The following LPP variants were observed in gnomAD, a reference collection of about 807,000 sequenced individuals.
The protein encoded by LPP is LIM domain containing preferred translocation partner in lipoma.
Under a neutral mutation model 60.4 loss-of-function variants are expected in LPP, and 38 were observed. That is an observed-to-expected ratio of 0.63 (90% CI 0.49 to 0.83). LPP has a LOEUF of 0.83. LPP is among the 40% of genes least tolerant of loss of function. LPP has a pLI of 0.00. For missense variants in LPP, 902 were observed against 783.6 expected (o/e 1.15, Z -1.80); for synonymous variants, 328 against 290.8 (o/e 1.13, Z -1.30).
intron 2 of LPP, among the ~76,000 whole-genome samples, chr3:188,245,816 A>G (rs1254338062): frequency 6.6e-6 from 1 of 152,162 alleles, no homozygotes; most frequent in Non-Finnish European, 1.5e-5. Context: ...TGCTAAGATT[A>G]TAGGTGTGAG....
intron 9 of LPP, among the ~76,000 whole-genome samples, chr3:188,774,268 C>T (rs1287886231): frequency 1.3e-5 from 2 of 152,006 alleles, no homozygotes; most frequent in Non-Finnish European, 2.9e-5. Context: ...TTGCCTATAC[C>T]CTTCCAACTG....
intron 3 of LPP, among the ~76,000 whole-genome samples, chr3:188,391,422 G>A (rs1306083824): frequency 2.6e-5 from 4 of 152,264 alleles, no homozygotes; most frequent in African/African-American, 4.8e-5. Context: ...GAACCTGTCT[G>A]TTGTTGATAA....
intron 2 of LPP, chr3:188,239,850 G>A (rs2149435705): frequency 4.6e-6 from 1 of 215,164 alleles, no homozygotes; most frequent in South Asian, 1.9e-4. Context: ...CACCAATACA[G>A]TCAAGAGGGC....
intron 1 of LPP, among the ~76,000 whole-genome samples, chr3:188,187,960 T>C (rs1377491704): frequency 6.6e-6 from 1 of 152,210 alleles, no homozygotes; most frequent in Non-Finnish European, 1.5e-5. Flanking sequence ...TTAATTCCTA[T>C]ATATTTAATA....
At chr3:188,161,559 T>A (rs1353974546) in intron 1 of LPP, among the ~76,000 whole-genome samples, 1 of 152,162 alleles carries the variant, frequency 6.6e-6, no homozygotes, top group Non-Finnish European at 1.5e-5. Context: ...AGCTGATCCC[T>A]TGTTATACAG....
intron 7 of LPP, among the ~76,000 whole-genome samples, chr3:188,706,690 T>C (rs759956967): frequency 2.6e-5 from 4 of 152,224 alleles, no homozygotes; most frequent in African/African-American, 9.6e-5. Context: ...GATTTTCACG[T>C]CCAAGAGCTC....
chr3:188,819,357 C>A (rs1299799662), intron 9 of LPP, among the ~76,000 whole-genome samples: 1 of 151,630 alleles, frequency 6.6e-6, no homozygotes, highest in African/African-American at 2.4e-5. Flanking sequence ...CCCATCTTTA[C>A]ATCCATGTGT....
chr3:188,503,409 T>A (rs1276633906), intron 5 of LPP, among the ~76,000 whole-genome samples: 1 of 152,100 alleles, frequency 6.6e-6, no homozygotes, highest in African/African-American at 2.4e-5. Flanking sequence ...ATTTGTAATT[T>A]AAAAAAATAT....
At chr3:188,453,069 G>T (rs540342220) in intron 4 of LPP, among the ~76,000 whole-genome samples, 1 of 152,166 alleles carries the variant, frequency 6.6e-6, no homozygotes, top group South Asian at 2.1e-4. Context: ...GGGTTCTTTG[G>T]TTTTATCTCT....
At chr3:188,366,894 G>T (rs9864554) in intron 3 of LPP, among the ~76,000 whole-genome samples, 52,259 of 151,406 alleles carry the variant, frequency 0.35, 10,498 homozygotes, top group Middle Eastern at 0.6. Context: ...GCATTATAAA[G>T]AATTGATTTT....
intron 9 of LPP, among the ~76,000 whole-genome samples, chr3:188,844,543 TG>T (rs1457245731): frequency 0.011 from 1,675 of 152,362 alleles, 27 homozygotes; most frequent in African/African-American, 0.038. Context: ...TTTTCTAGCT[TG>T]TGTTAAATCA....
intron 2 of LPP, among the ~76,000 whole-genome samples, chr3:188,253,039 C>T (rs1432707131): frequency 1.3e-5 from 2 of 149,960 alleles, no homozygotes; most frequent in Admixed American, 6.6e-5. Context: ...TCCCAAAGTG[C>T]TGTGATTACA....
At chr3:188,504,862 A>G (rs1459329730) in intron 5 of LPP, among the ~76,000 whole-genome samples, 2 of 151,996 alleles carry the variant, frequency 1.3e-5, no homozygotes, top group Non-Finnish European at 2.9e-5. Flanking sequence ...GAGAGGGGCA[A>G]CACTAATGAT....
At chr3:188,641,930 G>A (rs936899295) in intron 7 of LPP, among the ~76,000 whole-genome samples, 9 of 152,090 alleles carry the variant, frequency 5.9e-5, no homozygotes, top group Non-Finnish European at 7.4e-5. Flanking sequence ...AGCCTCTCCC[G>A]TGGCTGGTTA....
chr3:188,428,185 G>C lies in LPP; in HGVS notation c.193+21872G>C, dbSNP rs571185633. Reference sequence around the variant, plus strand: ...AGGAGAGGGAATTCCCTGACCCCTTGTGCTTCCAGAGTGAGGTGATGCTCC... The same window carrying C: ...AGGAGAGGGAATTCCCTGACCCCTTCTGCTTCCAGAGTGAGGTGATGCTCC... On this transcript the variant is annotated intron_variant, in intron 4 of 11. Transcript: ENST00000617246. Among the ~76,000 whole-genome samples, 18 of 152,266 alleles carry C rather than the reference G, an allele frequency of 1.2e-4. No individual in the cohort carries two copies. In the South Asian group the frequency reaches 3.3e-3, roughly 28 times the overall value.
intron 7 of LPP, among the ~76,000 whole-genome samples, chr3:188,624,766 C>CCTTCCTTTTCCTTCCTTTCT (rs10662276): frequency 1.6e-5 from 1 of 62,382 alleles, no homozygotes; most frequent in African/African-American, 5.9e-5. Context: ...CCTTCTCCTT[C>CCTTCCTTTTCCTTCCTTTCT]TCCTTCCTTC....
At chr3:188,575,399 T>C (rs1365704521) in intron 6 of LPP, among the ~76,000 whole-genome samples, 1 of 152,228 alleles carries the variant, frequency 6.6e-6, no homozygotes, top group Non-Finnish European at 1.5e-5. Flanking sequence ...AATTAATGTT[T>C]AAGTTCTCTG....
chr3:188,746,047 T>G (rs1348458270), intron 8 of LPP, among the ~76,000 whole-genome samples: 1 of 152,210 alleles, frequency 6.6e-6, no homozygotes, highest in Non-Finnish European at 1.5e-5. Flanking sequence ...CTAAGTTTTT[T>G]TCTTTAATAA....
intron 3 of LPP, among the ~76,000 whole-genome samples, chr3:188,396,872 A>G (rs1376623390): frequency 6.6e-6 from 1 of 152,212 alleles, no homozygotes; most frequent in African/African-American, 2.4e-5. Context: ...AACATTGTGG[A>G]TCATAAGAAG....
Sources: allele counts gnomAD v4.1 joint callset (sites outside exome capture counted in the v4.1 genomes callset), GRCh38; gene constraint gnomAD v4.1.1; transcripts MANE v1.5; gene names NCBI Gene and HGNC (gene_info 2026-07-23, HGNC 2026-07-21).